PDGFC: variants seen among roughly 807,000 people sequenced by gnomAD.
PDGFC encodes the protein platelet derived growth factor C.
PDGFC carries 12 observed loss-of-function variants against 35.5 expected under a neutral mutation model. That is an observed-to-expected ratio of 0.34 (90% CI 0.22 to 0.55). PDGFC has a LOEUF of 0.55. Among genes scored for constraint, PDGFC ranks in the 20% least tolerant of loss-of-function variants. PDGFC has a pLI of 0.91. For synonymous variants in PDGFC, 159 were observed against 148.8 expected (o/e 1.07, Z -0.50); for missense variants, 322 against 412.4 (o/e 0.78, Z 1.90).
intron 1 of PDGFC, among the ~76,000 whole-genome samples, chr4:156,960,236 GATATAT>G (rs964217123): frequency 1.5e-5 from 2 of 137,696 alleles, no homozygotes; most frequent in African/African-American, 3.1e-5. Context: ...GAAGCCATTT[GATATAT>G]ATATAACTGT....
At chr4:156,898,041 A>AT (rs1184966205) in intron 1 of PDGFC, among the ~76,000 whole-genome samples, 2 of 152,204 alleles carry the variant, frequency 1.3e-5, no homozygotes, top group Non-Finnish European at 2.9e-5. Flanking sequence ...CCCAACACGT[A>AT]TATCTTGAGA....
intron 2 of PDGFC, among the ~76,000 whole-genome samples, chr4:156,832,054 C>T (rs1441516548): frequency 6.6e-6 from 1 of 151,818 alleles, no homozygotes; most frequent in Admixed American, 6.6e-5. Context: ...TTTCTAGTTT[C>T]TCTCTTAATA....
At position 156,815,485 on chromosome 4, in the gene PDGFC, A is replaced by C. The variant is rs116533722; in HGVS notation, c.315-4468T>G. Among the ~76,000 whole-genome samples the C allele has an allele frequency of 3.2e-3, 486 of 152,148 alleles. 5 individuals are homozygous for C. The highest frequency in any genetic ancestry group is 0.011 in the African/African-American group (469 of 41,518). On this transcript the variant is annotated intron_variant, in intron 2 of 5. Transcript: ENST00000502773. ...GCTTTAACAACTTGATATTTTTCTT[A>C]TTTTCTGACACAACACCATTTGCAG...
intron 1 of PDGFC, among the ~76,000 whole-genome samples, chr4:156,957,531 G>T (rs940598207): frequency 5.9e-5 from 9 of 151,834 alleles, no homozygotes; most frequent in Non-Finnish European, 1.3e-4. Context: ...TGATAGCACT[G>T]ACTTTTTTTC....
chr4:156,917,321 C>T (rs746535344), intron 1 of PDGFC, among the ~76,000 whole-genome samples: 1 of 152,170 alleles, frequency 6.6e-6, no homozygotes. Context: ...CCAAACACAG[C>T]CCTAGAAAAA....
At chr4:156,948,123 T>C (rs1731990371) in intron 1 of PDGFC, among the ~76,000 whole-genome samples, 1 of 150,600 alleles carries the variant, frequency 6.6e-6, no homozygotes, top group Non-Finnish European at 1.5e-5. Flanking sequence ...CCTAATGGCA[T>C]TTTCCAGATG....
chr4:156,929,572 C>T (rs969118115), intron 1 of PDGFC, among the ~76,000 whole-genome samples: 3 of 151,996 alleles, frequency 2.0e-5, no homozygotes, highest in South Asian at 4.2e-4. Flanking sequence ...TACAGCCTTC[C>T]GGAATATACC....
intron 2 of PDGFC, among the ~76,000 whole-genome samples, chr4:156,844,053 T>C (rs79694377): frequency 1.6e-4 from 24 of 152,302 alleles, no homozygotes; most frequent in East Asian, 1.4e-3. Flanking sequence ...GAAAAATTCA[T>C]CTTAGACCAA....
At chr4:156,931,289 A>G (rs1426365567) in intron 1 of PDGFC, among the ~76,000 whole-genome samples, 1 of 152,210 alleles carries the variant, frequency 6.6e-6, no homozygotes. Flanking sequence ...TTCTGAAAAG[A>G]TAACAGTGAC....
chr4:156,898,383 T>C (rs1277117248), intron 1 of PDGFC, among the ~76,000 whole-genome samples: 3 of 152,176 alleles, frequency 2.0e-5, no homozygotes, highest in African/African-American at 4.8e-5. Flanking sequence ...AAACACACTA[T>C]TGGAAGTGAT....
At chr4:156,849,536 A>G (rs1216852836) in intron 2 of PDGFC, among the ~76,000 whole-genome samples, 2 of 152,088 alleles carry the variant, frequency 1.3e-5, no homozygotes, top group Non-Finnish European at 2.9e-5. Context: ...CCCAACCTTG[A>G]CAAGTGTATT....
At chr4:156,922,084 T>C (rs1011460356) in intron 1 of PDGFC, among the ~76,000 whole-genome samples, 9 of 152,134 alleles carry the variant, frequency 5.9e-5, no homozygotes, top group African/African-American at 2.2e-4. Context: ...ATGAGGGATA[T>C]TTATAAATAT....
intron 1 of PDGFC, among the ~76,000 whole-genome samples, chr4:156,894,727 A>G (rs189082360): frequency 3.3e-5 from 5 of 152,322 alleles, no homozygotes; most frequent in African/African-American, 1.2e-4. Flanking sequence ...AAAGAACTCT[A>G]TAGTTAAAAA....
intron 1 of PDGFC, among the ~76,000 whole-genome samples, chr4:156,861,264 C>A (rs1400073525): frequency 6.6e-6 from 1 of 152,106 alleles, no homozygotes; most frequent in South Asian, 2.1e-4. Flanking sequence ...TTCACATTCA[C>A]ACTTGCTCAT....
intron 3 of PDGFC, 34 bp from the exon 4 acceptor site, chr4:156,772,927 T>A: frequency 7.0e-7 from 1 of 1,423,298 alleles, no homozygotes; most frequent in Non-Finnish European, 9.9e-7. Context: ...TTAACTGTTT[T>A]AAAAACGACA....
intron 1 of PDGFC, among the ~76,000 whole-genome samples, chr4:156,901,479 A>G (rs1031099987): frequency 6.6e-6 from 1 of 152,218 alleles, no homozygotes; most frequent in African/African-American, 2.4e-5. Context: ...ATGGTCACAG[A>G]GTACATGACA....
intron 1 of PDGFC, among the ~76,000 whole-genome samples, chr4:156,882,972 T>TA (rs976216108): frequency 1.3e-5 from 2 of 151,684 alleles, no homozygotes; most frequent in African/African-American, 4.8e-5. Flanking sequence ...TAGTCCCAGC[T>TA]ACTTGGGAGG....
At chr4:156,949,860 G>T (rs1732038849) in intron 1 of PDGFC, among the ~76,000 whole-genome samples, 1 of 151,898 alleles carries the variant, frequency 6.6e-6, no homozygotes, top group Non-Finnish European at 1.5e-5. Flanking sequence ...AGTCCTGGCA[G>T]AAGCTGTTAA....
chr4:156,880,560 C>A (rs1462113334), intron 1 of PDGFC, among the ~76,000 whole-genome samples: 2 of 152,136 alleles, frequency 1.3e-5, no homozygotes, highest in Admixed American at 1.3e-4. Flanking sequence ...AACACAACAA[C>A]CATTCTGAAG....
Sources: gnomAD v4.1 joint callset for allele counts (sites outside exome capture counted in the v4.1 genomes callset) on GRCh38, gnomAD v4.1.1 for gene constraint, MANE v1.5 for transcripts, NCBI Gene and HGNC (gene_info 2026-07-23, HGNC 2026-07-21) for gene names.